SYNE1: variants seen among roughly 807,000 people sequenced by gnomAD.
SYNE1 encodes the protein nesprin-1.
Under a neutral mutation model 1,111.0 loss-of-function variants are expected in SYNE1, and 616 were observed. That is an observed-to-expected ratio of 0.55 (90% CI 0.52 to 0.59). The LOEUF (loss-of-function observed/expected upper bound fraction) is 0.59. SYNE1 is among the 20% of genes least tolerant of loss of function. The probability of loss-of-function intolerance (pLI) is 0.00; values close to 1 mark genes in which losing one functional copy is unlikely to be tolerated. For missense variants in SYNE1, 10,006 were observed against 10,417.0 expected (o/e 0.96, Z 1.72); for synonymous variants, 3,855 against 3,825.8 (o/e 1.01, Z -0.28).
intron 131 of SYNE1, among the ~76,000 whole-genome samples, chr6:152,163,048 A>G (rs2062846851): frequency 6.6e-6 from 1 of 152,246 alleles, no homozygotes; most frequent in Non-Finnish European, 1.5e-5. Flanking sequence ...GCATTTTAAA[A>G]TTAAGCAACT....
chr6:152,409,177 T>C lies in SYNE1; in HGVS notation c.6431A>G (p.Asn2144Ser), dbSNP rs28447480. ...CAAGTGTTTTCCTTTGCTGGTAAAGTTATCCAAGTCTTTCTGTTTGTAATT... is the reference window on the plus strand; with the variant it reads ...CAAGTGTTTTCCTTTGCTGGTAAAGCTATCCAAGTCTTTCTGTTTGTAATT... ...KMNYKQKDLDNFTSKGKHLLS... is the reference protein window; with the variant it reads ...KMNYKQKDLDSFTSKGKHLLS... The change falls in exon 44 of 146, where the codon AAC becomes AGC. Residue 2144 changes from asparagine to serine, a missense_variant. Transcript: ENST00000367255. The C allele has an allele frequency of 3.7e-5, 59 of 1,614,044 alleles. No homozygotes were observed. The highest frequency in any genetic ancestry group is 4.8e-5 in the Non-Finnish European group (57 of 1,180,022).
intron 12 of SYNE1, among the ~76,000 whole-genome samples, chr6:152,487,739 T>G (rs1258074049): frequency 6.6e-6 from 1 of 152,184 alleles, no homozygotes; most frequent in African/African-American, 2.4e-5. Flanking sequence ...TTGACTCAAC[T>G]CTTTGTTCTT....
In SYNE1 at chr6:152,353,255, G is replaced by C. The variant is rs748079325; in HGVS notation, c.11253+8C>G. 1 of 1,614,102 alleles carries C rather than the reference G, an allele frequency of 6.2e-7. No individual in the cohort carries two copies. The highest frequency in any genetic ancestry group is 8.5e-7 in the Non-Finnish European group (1 of 1,179,998). ...GGTTGGATACAAATCTGAAGTATGC[G>C]TGCCTACCTCCAACGTCTTCAATTT... On this transcript the variant is annotated splice_region_variant and intron_variant, in intron 69 of 145. Coordinates refer to ENST00000367255, the MANE Select transcript of SYNE1 (RefSeq NM_182961.4).
intron 127 of SYNE1, among the ~76,000 whole-genome samples, chr6:152,196,690 C>G (rs2153307329): frequency 6.6e-6 from 1 of 151,930 alleles, no homozygotes; most frequent in Non-Finnish European, 1.5e-5. Context: ...CCTCTTTTCT[C>G]AAGCAGAAGG....
At chr6:152,481,074 C>T (rs7740022) in intron 14 of SYNE1, 43,380 of 273,814 alleles carry the variant, frequency 0.16, 4,049 homozygotes, top group East Asian at 0.42. Context: ...CTCACTCCCC[C>T]GTAGGAGATA....
At chr6:152,412,613 A>G (rs2154175524) in intron 42 of SYNE1, among the ~76,000 whole-genome samples, 1 of 152,262 alleles carries the variant, frequency 6.6e-6, no homozygotes, top group Non-Finnish European at 1.5e-5. Context: ...AGATAAGGCC[A>G]TTTTTTAGGT....
chr6:152,605,616 C>T (rs1422471623), intron 3 of SYNE1, among the ~76,000 whole-genome samples: 1 of 152,182 alleles, frequency 6.6e-6, no homozygotes, highest in Non-Finnish European at 1.5e-5. Context: ...GTACTTGAGG[C>T]TGAGTCAACA....
At chr6:152,592,219 A>G (rs935310918) in intron 3 of SYNE1, among the ~76,000 whole-genome samples, 5 of 152,068 alleles carry the variant, frequency 3.3e-5, no homozygotes, top group African/African-American at 1.2e-4. Context: ...GGGTATATGC[A>G]AAAAATAAAT....
chr6:152,194,250 G>A (rs1243466678), intron 127 of SYNE1, among the ~76,000 whole-genome samples: 1 of 152,008 alleles, frequency 6.6e-6, no homozygotes, highest in Non-Finnish European at 1.5e-5. Flanking sequence ...TTTCCTTCAT[G>A]ATTGAAAGAC....
intron 129 of SYNE1, among the ~76,000 whole-genome samples, chr6:152,177,256 A>T (rs546183700): frequency 6.6e-6 from 1 of 152,160 alleles, no homozygotes; most frequent in Non-Finnish European, 1.5e-5. Context: ...GACAGACTCC[A>T]TATGGACTAT....
At chr6:152,347,311 T>C (rs142692804) in intron 72 of SYNE1, 76 bp from the exon 73 acceptor site, 1 of 1,510,654 alleles carries the variant, frequency 6.6e-7, no homozygotes, top group East Asian at 2.3e-5. Flanking sequence ...TTAAGATAGA[T>C]TATTTCACTG....
At chr6:152,369,703 C>G in intron 59 of SYNE1, 89 bp from the exon 60 acceptor site, 1 of 1,518,040 alleles carries the variant, frequency 6.6e-7, no homozygotes, top group Admixed American at 1.8e-5. Flanking sequence ...TCCACCCAGG[C>G]TGGGCACAGT....
In SYNE1 at chr6:152,510,232, T is replaced by C. The variant is rs1474915342; in HGVS notation, c.542A>G (p.Lys181Arg). Residue 181 changes from lysine (K) to arginine (R), a missense_variant, in exon 8 of 146, where the codon AAG (lysine) becomes AGG (arginine). Transcript: ENST00000367255. ...CTGAACCCACTTTAATAAAGCCTTCTTAGCATTTCCTTGGATCTTGGTGGT... is the reference window on the plus strand; with the variant it reads ...CTGAACCCACTTTAATAAAGCCTTCCTAGCATTTCCTTGGATCTTGGTGGT... ...KVTTKIQGNA[K>R]KALLKWVQYT... 4 of 1,614,066 alleles carry C rather than the reference T, an allele frequency of 2.5e-6. 1 individual carries two copies. In the Middle Eastern group the frequency reaches 4.9e-4, roughly 200 times the overall value.
intron 32 of SYNE1, among the ~76,000 whole-genome samples, chr6:152,437,621 A>G (rs1162899984): frequency 6.6e-6 from 1 of 152,176 alleles, no homozygotes; most frequent in Non-Finnish European, 1.5e-5. Flanking sequence ...GGTAAATATT[A>G]GATGTTACCT....
intron 118 of SYNE1, 79 bp from the exon 119 acceptor site, chr6:152,221,125 A>G: frequency 7.1e-7 from 1 of 1,410,858 alleles, no homozygotes. Flanking sequence ...ATTTTTCATG[A>G]TCCTGGTTCA....
At chr6:152,533,621 G>C (rs2099216781) in intron 4 of SYNE1, among the ~76,000 whole-genome samples, 1 of 152,012 alleles carries the variant, frequency 6.6e-6, no homozygotes, top group African/African-American at 2.4e-5. Context: ...ACCTTGGCCA[G>C]ATGGCTTCAA....
Position 152,357,778 on chromosome 6 carries a change from T to C in SYNE1, c.10608+595A>G, listed in dbSNP as rs149084973. Among the ~76,000 whole-genome samples the C allele has an allele frequency of 3.3e-3, 499 of 152,334 alleles. 3 individuals are homozygous for C. Among genetic ancestry groups the C allele is most frequent in the African/African-American group, 0.011 (477 of 41,578 alleles). On this transcript the variant is annotated intron_variant, in intron 66 of 145. Coordinates refer to ENST00000367255, the MANE Select transcript of SYNE1 (RefSeq NM_182961.4). ...CAAAGTATCTGTACTGTATTAAGTA[T>C]CCAGTAAATACTGAATGAGTAAATA...
rs1337022830 is a variant in SYNE1, at chr6:152,256,690, C to T, written c.19048G>A (p.Ala6350Thr). 6.2e-7 allele frequency: 1 copy of T among 1,614,054 alleles called. No individual in the cohort carries two copies. Among genetic ancestry groups the T allele is most frequent in the Non-Finnish European group, 8.5e-7 (1 of 1,179,956 alleles). The stretch of plus-strand genomic sequence containing the variant: ...AGTCCATCCAGCAAAGATGTAACTG[C>T]AGATTTATCTTGGGTTGGCACGTCC... ...KGDVPTQDKS[A>T]VTSLLDGLNQ... Residue 6350 changes from alanine (A) to threonine (T), a missense_variant, in exon 102 of 146, where the codon GCA becomes ACA. Around this residue, in one of 7 missense-constraint regions of SYNE1, gnomAD observed 2,182 missense variants for 2,287.8 expected, o/e 0.95. Coordinates refer to ENST00000367255, the MANE Select transcript of SYNE1 (RefSeq NM_182961.4).
chr6:152,152,852 C>G (rs2060692672), intron 133 of SYNE1, among the ~76,000 whole-genome samples: 1 of 152,140 alleles, frequency 6.6e-6, no homozygotes, highest in Non-Finnish European at 1.5e-5. Context: ...ACCACCCACA[C>G]AGTAGCATCA....
Sources: allele counts gnomAD v4.1 joint callset (sites outside exome capture counted in the v4.1 genomes callset), GRCh38; gene constraint gnomAD v4.1.1; regional missense constraint gnomAD v4.1.1; transcripts MANE v1.5; gene names NCBI Gene and HGNC (gene_info 2026-07-23, HGNC 2026-07-21).